The following PARN variants were observed in gnomAD, a reference collection of about 807,000 sequenced individuals.
PARN encodes the protein poly(A)-specific ribonuclease PARN.
PARN carries 71 observed loss-of-function variants against 102.8 expected under a neutral mutation model. That is an observed-to-expected ratio of 0.69 (90% CI 0.57 to 0.84). The LOEUF (loss-of-function observed/expected upper bound fraction) is 0.84, where lower values mean the gene tolerates loss of function less well. PARN is among the 40% of genes least tolerant of loss of function. The probability of loss-of-function intolerance (pLI) is 0.00; values close to 1 mark genes in which losing one functional copy is unlikely to be tolerated. For synonymous variants in PARN, 261 were observed against 252.9 expected (o/e 1.03, Z -0.30); for missense variants, 782 against 760.9 (o/e 1.03, Z -0.33).
intron 21 of PARN, among the ~76,000 whole-genome samples, chr16:14,494,049 A>G (rs1159155132): frequency 1.3e-5 from 2 of 152,140 alleles, no homozygotes; most frequent in African/African-American, 4.8e-5. Flanking sequence ...TCAACCCAAC[A>G]CATCTTGAAA....
At chr16:14,439,245 A>G (rs1960841437) in intron 23 of PARN, among the ~76,000 whole-genome samples, 1 of 151,916 alleles carries the variant, frequency 6.6e-6, no homozygotes, top group East Asian at 1.9e-4. Flanking sequence ...GGTGGCACAC[A>G]CCTGTGGTCC....
At chr16:14,611,234 T>C (rs770259788) in intron 6 of PARN, among the ~76,000 whole-genome samples, 2 of 152,174 alleles carry the variant, frequency 1.3e-5, no homozygotes, top group Non-Finnish European at 2.9e-5. Context: ...GGAAATGGCT[T>C]GGACGGTTCC....
intron 10 of PARN, 27 bp from the exon 11 acceptor site, chr16:14,604,253 T>C (rs1421018797): frequency 7.2e-7 from 1 of 1,394,770 alleles, no homozygotes; most frequent in Admixed American, 2.3e-5. Flanking sequence ...AGATATACAA[T>C]TTTCTTTTCT....
At chr16:14,604,787 T>C (rs1015332718) in intron 10 of PARN, among the ~76,000 whole-genome samples, 1 of 152,004 alleles carries the variant, frequency 6.6e-6, no homozygotes, top group Non-Finnish European at 1.5e-5. Context: ...AGCTAATTTT[T>C]GTATTTGTAG....
chr16:14,562,681 T>C (rs2151721974), intron 18 of PARN, among the ~76,000 whole-genome samples: 1 of 152,056 alleles, frequency 6.6e-6, no homozygotes, highest in African/African-American at 2.4e-5. Flanking sequence ...CAAACTACTC[T>C]CTTGGCAACT....
chr16:14,452,829 C>T (rs1961522177), intron 22 of PARN, among the ~76,000 whole-genome samples: 1 of 152,148 alleles, frequency 6.6e-6, no homozygotes, highest in Non-Finnish European at 1.5e-5. Flanking sequence ...AAAATAAAAG[C>T]TGTGATTATA....
Position 14,609,032 on chromosome 16 carries a change from A to G in PARN, c.620+26T>C, listed in dbSNP as rs1306666200. ...CCATCTACCTTTCCAAAAAAAGGAC[A>G]TGCAGAAATGTTCAGGACAACTAAC... On this transcript the variant is annotated intron_variant, in intron 8 of 23. Transcript: ENST00000437198. 3 of 1,401,086 alleles carry G rather than the reference A, an allele frequency of 2.1e-6. No individual in the cohort carries two copies. The South Asian group carries it at 3.7e-5, about 17-fold the overall frequency. 86.8% of individuals were successfully genotyped at this position (1,401,086 alleles called of 1,614,324 possible). A position where few individuals can be genotyped will look rare whatever the true frequency, so the allele number is the denominator to read the frequency against.
intron 23 of PARN, among the ~76,000 whole-genome samples, chr16:14,438,456 G>T (rs1960809501): frequency 1.3e-5 from 2 of 149,336 alleles, no homozygotes; most frequent in East Asian, 2.0e-4. Flanking sequence ...GGGGGGGTGT[G>T]TGAGTGCACA....
intron 9 of PARN, among the ~76,000 whole-genome samples, chr16:14,607,072 C>T (rs1220661473): frequency 1.3e-5 from 2 of 152,078 alleles, no homozygotes; most frequent in African/African-American, 2.4e-5. Flanking sequence ...TGAGCCACTG[C>T]GCCTGACCAG....
At chr16:14,590,234 C>T (rs1191236307) in intron 13 of PARN, among the ~76,000 whole-genome samples, 1 of 45,954 alleles carries the variant, frequency 2.2e-5, no homozygotes, top group African/African-American at 1.0e-4. Context: ...GACTCCATCT[C>T]AAAAAAAAAA....
intron 21 of PARN, among the ~76,000 whole-genome samples, chr16:14,501,969 TTTAGA>T (rs1964643637): frequency 6.6e-6 from 1 of 152,132 alleles, no homozygotes; most frequent in African/African-American, 2.4e-5. Flanking sequence ...CTAAATGCTG[TTTAGA>T]TTATTTTTAA....
At chr16:14,559,535 A>C (rs966367728) in intron 18 of PARN, among the ~76,000 whole-genome samples, 4 of 152,152 alleles carry the variant, frequency 2.6e-5, no homozygotes, top group African/African-American at 7.2e-5. Flanking sequence ...CCATCCCCTC[A>C]AGCATTTATC....
intron 21 of PARN, 126 bp from the exon 22 acceptor site, chr16:14,482,953 C>T: frequency 1.6e-6 from 1 of 641,704 alleles, no homozygotes; most frequent in Non-Finnish European, 2.5e-6. Context: ...TGACCCTTGG[C>T]TCTGCCACCT....
At chr16:14,526,614 C>A (rs1966023598) in intron 21 of PARN, among the ~76,000 whole-genome samples, 1 of 152,248 alleles carries the variant, frequency 6.6e-6, no homozygotes, top group South Asian at 2.1e-4. Context: ...CCTCATCACA[C>A]AAAGGAAAAG....
intron 22 of PARN, among the ~76,000 whole-genome samples, chr16:14,453,124 G>A (rs1961535899): frequency 6.6e-6 from 1 of 152,208 alleles, no homozygotes; most frequent in Non-Finnish European, 1.5e-5. Flanking sequence ...AATGTACAAA[G>A]TGAGCTAGTT....
intron 23 of PARN, among the ~76,000 whole-genome samples, chr16:14,445,008 T>G (rs1253461445): frequency 4.8e-5 from 7 of 145,760 alleles, no homozygotes; most frequent in South Asian, 4.4e-4. Flanking sequence ...TTTTTTTTTT[T>G]GTAGAGAAAA....
intron 13 of PARN, among the ~76,000 whole-genome samples, chr16:14,589,639 G>C (rs1396300706): frequency 6.6e-6 from 1 of 152,076 alleles, no homozygotes; most frequent in Non-Finnish European, 1.5e-5. Context: ...GCCCAGGCAG[G>C]CGGATCACCT....
chr16:14,629,779 A>G (rs1290913245), intron 1 of PARN, 105 bp from the exon 2 acceptor site: 3 of 882,102 alleles, frequency 3.4e-6, no homozygotes, highest in Non-Finnish European at 3.8e-6. Flanking sequence ...CCGGAAGGGG[A>G]AAAGTCCCGG....
Position 14,610,793 on chromosome 16 carries a change from A to G in PARN, c.405T>C (p.Asn135=), listed in dbSNP as rs1396472633. ...CTCTTAACTGTCTTTCTTCTTCCTG[A>G]TTTAAATATGGAATTCCTAAACACG... ...KVFRNGIPYL[N]QEEERQLREQ... The change falls in exon 7 of 24, where the codon AAT becomes AAC. Residue 135 remains asparagine (N), a synonymous_variant. Transcript: ENST00000437198. 1.9e-6 allele frequency: 3 copies of G among 1,608,700 alleles called. No individual in the cohort carries two copies. The highest frequency in any genetic ancestry group is 1.6e-4 in the Middle Eastern group (1 of 6,070).
Sources: gnomAD v4.1 joint callset for allele counts (sites outside exome capture counted in the v4.1 genomes callset) on GRCh38, gnomAD v4.1.1 for gene constraint, MANE v1.5 for transcripts, NCBI Gene and HGNC (gene_info 2026-07-23, HGNC 2026-07-21) for gene names.